Variants in ITPRID1 observed in about 807,000 individuals in gnomAD.
The protein encoded by ITPRID1 is ITPR interacting domain containing 1.
A neutral mutation model predicts 95.4 loss-of-function variants in ITPRID1; 96 were observed. The observed-to-expected ratio is 1.01, with a 90% CI of 0.85 to 1.19. The LOEUF (loss-of-function observed/expected upper bound fraction) is 1.19. Among genes scored for constraint, ITPRID1 ranks in the 50% most tolerant of loss-of-function variants. The pLI, the probability that ITPRID1 is intolerant of heterozygous loss-of-function variation, is 0.00. For synonymous variants in ITPRID1, 510 were observed against 453.6 expected, an observed-to-expected ratio of 1.12 and a Z score of -1.58; for missense variants, 1,339 against 1,252.9, an observed-to-expected ratio of 1.07 and a Z score of -1.04.
At chr7:31,550,145 G>T (rs1438227281) in intron 2 of ITPRID1, among the ~76,000 whole-genome samples, 2 of 142,888 alleles carry the variant, frequency 1.4e-5, no homozygotes, top group Non-Finnish European at 1.5e-5. Context: ...CAAGGCATTT[G>T]TTTATTTAGT....
chr7:31,519,602 CT>C (rs1783155514), intron 1 of ITPRID1, among the ~76,000 whole-genome samples: 1 of 57,212 alleles, frequency 1.7e-5, no homozygotes, highest in Admixed American at 2.2e-4. Context: ...CTCTCTCTCT[CT>C]CTCTCTCTCT....
chr7:31,615,738 GT>G, intron 10 of ITPRID1, among the ~76,000 whole-genome samples: 2 of 139,692 alleles, frequency 1.4e-5, no homozygotes, highest in African/African-American at 2.6e-5. Flanking sequence ...GCGTGTTAGA[GT>G]TTACTGAGAA....
At chr7:31,601,823 C>A (rs930225349) in intron 10 of ITPRID1, among the ~76,000 whole-genome samples, 1 of 152,148 alleles carries the variant, frequency 6.6e-6, no homozygotes, top group Non-Finnish European at 1.5e-5. Context: ...GGATAACCAA[C>A]ACGAAGGGAA....
At chr7:31,532,126 A>G (rs1783618285) in intron 1 of ITPRID1, among the ~76,000 whole-genome samples, 1 of 152,136 alleles carries the variant, frequency 6.6e-6, no homozygotes, top group South Asian at 2.1e-4. Context: ...GATAATATAT[A>G]TACAATTTTA....
At chr7:31,575,957 T>G (rs1785167247) in intron 8 of ITPRID1, among the ~76,000 whole-genome samples, 1 of 152,184 alleles carries the variant, frequency 6.6e-6, no homozygotes, top group Non-Finnish European at 1.5e-5. Context: ...TTAGACTCAA[T>G]TCATGTTGTT....
intron 6 of ITPRID1, 127 bp from the exon 7 acceptor site, chr7:31,571,975 C>A: frequency 1.6e-6 from 1 of 620,374 alleles, no homozygotes. Context: ...AAGGTGTGGT[C>A]ATTATGGGAT....
chr7:31,637,288 T>G (rs2128203702), intron 10 of ITPRID1, among the ~76,000 whole-genome samples: 1 of 152,306 alleles, frequency 6.6e-6, no homozygotes, highest in South Asian at 2.1e-4. Context: ...TATTTCTAGT[T>G]GTAGATCCCT....
At chr7:31,614,916 C>G (rs1308936937) in intron 10 of ITPRID1, among the ~76,000 whole-genome samples, 1 of 152,092 alleles carries the variant, frequency 6.6e-6, no homozygotes, top group Non-Finnish European at 1.5e-5. Flanking sequence ...TGGAGTATGG[C>G]GGGAATGAAC....
rs1321612616 is a variant in ITPRID1, at chr7:31,643,821, G to A, written c.2451G>A (p.Gly817=). Residue 817 remains glycine, a synonymous_variant, in exon 12 of 15, where the codon GGG becomes GGA. Transcript: ENST00000615280. The part of the protein sequence containing the change: ...ICCHHHPHCH[G]ERQSPGPEPS... ...GTCATCACCACCCTCACTGCCACGG[G>A]GAGAGGCAAAGCCCTGGCCCTGAAC... 1 of 1,613,912 alleles carries A rather than the reference G, an allele frequency of 6.2e-7. No homozygotes were observed. The highest frequency in any genetic ancestry group is 2.2e-5 in the East Asian group (1 of 44,866).
At position 31,656,105 on chromosome 7, in the gene ITPRID1, A is replaced by AT; in HGVS notation, c.*3282dup. Reference sequence around the variant, plus strand: ...ATGATCTGTGGCAGAAGTGATCCTTATTTTTTGAAACTCCTATATCACTTT... The same window carrying AT: ...ATGATCTGTGGCAGAAGTGATCCTTATTTTTTTGAAACTCCTATATCACTTT... On this transcript the variant is annotated 3_prime_UTR_variant, in exon 15 of 15. Transcript: ENST00000615280. 1.2e-6 allele frequency: 1 copy of AT among 842,886 alleles called. No individual in the cohort carries two copies. Among genetic ancestry groups the AT allele is most frequent in the Non-Finnish European group, 1.4e-6 (1 of 700,256 alleles). 52.2% of individuals were successfully genotyped at this position (842,886 alleles called of 1,614,324 possible).
intron 1 of ITPRID1, among the ~76,000 whole-genome samples, chr7:31,535,669 T>C (rs1041677031): frequency 6.6e-6 from 1 of 152,074 alleles, no homozygotes; most frequent in East Asian, 1.9e-4. Context: ...ATGGATTCTT[T>C]TAGCATTTTT....
At chr7:31,622,086 A>G (rs1787963234) in intron 10 of ITPRID1, among the ~76,000 whole-genome samples, 1 of 140,328 alleles carries the variant, frequency 7.1e-6, no homozygotes, top group Non-Finnish European at 1.5e-5. Flanking sequence ...CCAATACAGG[A>G]GCACCCAGAT....
intron 10 of ITPRID1, among the ~76,000 whole-genome samples, chr7:31,637,369 C>CCT (rs1391071990): frequency 6.6e-6 from 1 of 152,046 alleles, no homozygotes; most frequent in African/African-American, 2.4e-5. Flanking sequence ...TAAAAGTGTT[C>CCT]CTATTTCTCC....
intron 1 of ITPRID1, among the ~76,000 whole-genome samples, chr7:31,546,930 G>T (rs1489886344): frequency 1.3e-5 from 2 of 152,096 alleles, no homozygotes; most frequent in Non-Finnish European, 2.9e-5. Flanking sequence ...AAAATTTAGA[G>T]ATTGGAAAGA....
intron 10 of ITPRID1, among the ~76,000 whole-genome samples, chr7:31,624,748 C>G (rs1352770172): frequency 6.6e-6 from 1 of 151,566 alleles, no homozygotes; most frequent in Admixed American, 6.6e-5. Flanking sequence ...AAAGCAATGG[C>G]AACAAAAGCC....
intron 1 of ITPRID1, among the ~76,000 whole-genome samples, chr7:31,533,727 A>G (rs1025169966): frequency 1.4e-4 from 21 of 152,310 alleles, no homozygotes; most frequent in African/African-American, 4.1e-4. Flanking sequence ...CCCATTGGTC[A>G]TTTAAAGCAT....
intron 10 of ITPRID1, among the ~76,000 whole-genome samples, chr7:31,633,680 T>G (rs1167820135): frequency 6.6e-6 from 1 of 152,230 alleles, no homozygotes; most frequent in Non-Finnish European, 1.5e-5. Flanking sequence ...CCATTCCAAC[T>G]CTAGGCTAAC....
At chr7:31,597,757 A>AT (rs1282644791) in intron 10 of ITPRID1, among the ~76,000 whole-genome samples, 1 of 152,184 alleles carries the variant, frequency 6.6e-6, no homozygotes, top group Non-Finnish European at 1.5e-5. Context: ...TAATAAGTTT[A>AT]TTTTTTGTAG....
Position 31,643,739 on chromosome 7 carries a change from C to G in ITPRID1, c.2369C>G (p.Ser790Cys). ...TKSVSLDSGF[S>C]SICPMGTCHA... ...TCCGTCTCTCTAGACTCAGGCTTCTCTAGTATCTGCCCAATGGGCACCTGC... is the reference window on the plus strand; with the variant it reads ...TCCGTCTCTCTAGACTCAGGCTTCTGTAGTATCTGCCCAATGGGCACCTGC... The change falls in exon 12 of 15, where the codon TCT becomes TGT. Residue 790 changes from serine to cysteine, a missense_variant. Ser to Cys is a moderately radical substitution (Grantham distance 112). Transcript: ENST00000615280. 1 of 1,614,046 alleles carries G rather than the reference C, an allele frequency of 6.2e-7. No individual in the cohort carries two copies. The highest frequency in any genetic ancestry group is 2.2e-5 in the East Asian group (1 of 44,878).
Sources: allele counts gnomAD v4.1 joint callset (sites outside exome capture counted in the v4.1 genomes callset), GRCh38; gene constraint gnomAD v4.1.1; transcripts MANE v1.5; gene names NCBI Gene and HGNC (gene_info 2026-07-23, HGNC 2026-07-21).